The following TUT4 variants were observed in gnomAD, a reference collection of about 807,000 sequenced individuals.
TUT4 encodes the protein terminal uridylyltransferase 4.
In TUT4, 36 loss-of-function variants were observed where a neutral mutation model predicts 192.2. The ratio of observed to expected loss-of-function variants is 0.19; its 90% CI spans 0.14 to 0.25. The LOEUF is 0.25. TUT4 is among the 10% of genes least tolerant of loss of function. The pLI is 1.00. For synonymous variants in TUT4, 618 were observed against 666.0 expected (o/e 0.93, Z 1.11); for missense variants, 1,493 against 1,957.2 (o/e 0.76, Z 4.47).
chr1:52,458,473 C>T (rs964981132), intron 19 of TUT4, 24 bp from the exon 20 acceptor site: 21 of 1,563,966 alleles, frequency 1.3e-5, no homozygotes, highest in Non-Finnish European at 1.8e-5. Context: ...TGATTGAAAA[C>T]AAAACTTCAG....
At chr1:52,438,102 T>C (rs1654390777) in intron 25 of TUT4, 118 bp downstream of exon 25, 1 of 712,844 alleles carries the variant, frequency 1.4e-6, no homozygotes, top group Non-Finnish European at 2.3e-6. Flanking sequence ...AACATTTACC[T>C]TAGGTATAAT....
chr1:52,452,121 T>G (rs774587415), intron 20 of TUT4, among the ~76,000 whole-genome samples: 1 of 151,806 alleles, frequency 6.6e-6, no homozygotes, highest in Non-Finnish European at 1.5e-5. Flanking sequence ...AGGCCAGCAT[T>G]ACCCTAATAC....
chr1:52,454,056 ACT>A (rs1224517504), intron 20 of TUT4, among the ~76,000 whole-genome samples: 6 of 152,164 alleles, frequency 3.9e-5, no homozygotes, highest in Non-Finnish European at 5.9e-5. Flanking sequence ...AAACTACAAA[ACT>A]CTGATGAGCA....
At chr1:52,487,498 T>C (rs1670100416) in intron 9 of TUT4, among the ~76,000 whole-genome samples, 1 of 152,138 alleles carries the variant, frequency 6.6e-6, no homozygotes, top group South Asian at 2.1e-4. Context: ...GTTTACTCCA[T>C]TCCATACACT....
chr1:52,480,676 T>C (rs1226185906), intron 11 of TUT4, among the ~76,000 whole-genome samples: 2 of 152,114 alleles, frequency 1.3e-5, no homozygotes, highest in Admixed American at 1.3e-4. Context: ...TAGAGTGATA[T>C]TCTGGAAAAG....
chr1:52,552,367 CG>C (rs977554492), intron 1 of TUT4, among the ~76,000 whole-genome samples: 10 of 152,156 alleles, frequency 6.6e-5, no homozygotes, highest in African/African-American at 2.2e-4. Flanking sequence ...GACTGGGGGG[CG>C]GGGGAGAGAG....
At chr1:52,488,350 AATT>A (rs1184315465) in intron 9 of TUT4, among the ~76,000 whole-genome samples, 1 of 152,212 alleles carries the variant, frequency 6.6e-6, no homozygotes, top group Non-Finnish European at 1.5e-5. Flanking sequence ...TGATATTGAT[AATT>A]AACTACTACT....
At chr1:52,432,941 A>T (rs1652541625) in intron 27 of TUT4, 1 of 152,436 alleles carries the variant, frequency 6.6e-6, no homozygotes, top group African/African-American at 2.4e-5. Flanking sequence ...GAATAAATAG[A>T]TAAGTAAAAA....
chr1:52,430,386 G>A (rs371702902), intron 28 of TUT4, among the ~76,000 whole-genome samples: 13 of 152,038 alleles, frequency 8.6e-5, no homozygotes, highest in East Asian at 3.9e-4. Context: ...GGGTTCAAGC[G>A]AGCCTCCTGC....
chr1:52,459,344 T>C (rs1190113456), intron 19 of TUT4, among the ~76,000 whole-genome samples: 1 of 149,368 alleles, frequency 6.7e-6, no homozygotes, highest in Non-Finnish European at 1.5e-5. Context: ...ATCTCAGCAC[T>C]TCGAAAGGCT....
At chr1:52,481,969 T>G (rs1570781448) in intron 9 of TUT4, 46 bp from the exon 10 acceptor site, 1 of 1,411,296 alleles carries the variant, frequency 7.1e-7, no homozygotes, top group East Asian at 2.6e-5. Flanking sequence ...GCTTTCTTAA[T>G]TTTCATGATA....
chr1:52,492,289 C>T (rs1490900412), intron 7 of TUT4, among the ~76,000 whole-genome samples: 2 of 151,730 alleles, frequency 1.3e-5, no homozygotes, highest in African/African-American at 4.8e-5. Flanking sequence ...ATTGTGTGGA[C>T]AGAAAGAAAA....
At chr1:52,541,272 C>G (rs1201095672) in intron 1 of TUT4, among the ~76,000 whole-genome samples, 2 of 151,506 alleles carry the variant, frequency 1.3e-5, no homozygotes, top group South Asian at 2.1e-4. Context: ...GGGGCTCACG[C>G]CTGTAATCCT....
At position 52,548,822 on chromosome 1, in the gene TUT4, T is replaced by C. The variant is rs1688708669; in HGVS notation, c.-94+4109A>G. ...TTAGGACTTTGCCCATCTATAGTGG[T>C]GAACATCAAACTTGCATGAATAGCG... On this transcript the variant is annotated intron_variant, in intron 1 of 29. Transcript: ENST00000257177. Among the ~76,000 whole-genome samples the C allele has an allele frequency of 2.6e-5, 4 of 152,224 alleles. No homozygotes were observed. In the South Asian group the frequency reaches 8.3e-4, roughly 31 times the overall value.
At chr1:52,544,476 G>A (rs1305270841) in intron 1 of TUT4, among the ~76,000 whole-genome samples, 1 of 152,048 alleles carries the variant, frequency 6.6e-6, no homozygotes. Flanking sequence ...TGGGAAAACT[G>A]GTAATCCATC....
chr1:52,534,038 A>G (rs1021560992), intron 1 of TUT4, among the ~76,000 whole-genome samples: 2 of 152,254 alleles, frequency 1.3e-5, no homozygotes, highest in Admixed American at 6.5e-5. Flanking sequence ...CATTCTATGT[A>G]GACGGATACC....
intron 12 of TUT4, among the ~76,000 whole-genome samples, chr1:52,476,695 G>A (rs987431596): frequency 1.3e-5 from 2 of 152,134 alleles, no homozygotes; most frequent in African/African-American, 2.4e-5. Flanking sequence ...ATGGCTGGCA[G>A]GCTTCAGAGC....
intron 1 of TUT4, among the ~76,000 whole-genome samples, chr1:52,541,605 A>G (rs1686711687): frequency 6.6e-6 from 1 of 152,194 alleles, no homozygotes; most frequent in Non-Finnish European, 1.5e-5. Flanking sequence ...CAAAGACCTA[A>G]ATGTAGAAGC....
At chr1:52,477,674 T>TA in intron 12 of TUT4, 34 bp downstream of exon 12, 1 of 1,571,274 alleles carries the variant, frequency 6.4e-7, no homozygotes. Flanking sequence ...ACATAAAAAA[T>TA]ATTCTCCAAA....
Sources: gnomAD v4.1 joint callset for allele counts (sites outside exome capture counted in the v4.1 genomes callset) on GRCh38, gnomAD v4.1.1 for gene constraint, MANE v1.5 for transcripts, NCBI Gene and HGNC (gene_info 2026-07-23, HGNC 2026-07-21) for gene names.